FRMD8: variants seen among roughly 807,000 people sequenced by gnomAD.
FRMD8 encodes the protein FERM domain containing 8.
In FRMD8, 37 loss-of-function variants were observed where a neutral mutation model predicts 54.2. That is an observed-to-expected ratio of 0.68 (90% CI 0.53 to 0.90). The LOEUF (loss-of-function observed/expected upper bound fraction) is 0.90. FRMD8 is among the 40% of genes least tolerant of loss of function. The pLI, the probability that FRMD8 is intolerant of heterozygous loss-of-function variation, is 0.00. For missense variants in FRMD8, 585 were observed against 653.7 expected (o/e 0.89, Z 1.15); for synonymous variants, 246 against 286.9 (o/e 0.86, Z 1.44).
chr11:65,378,053 C>G, the FRMD8 span: 2 of 152,098 alleles, frequency 1.3e-5, no homozygotes, highest in Non-Finnish European at 2.9e-5. Flanking sequence ...GAGTAAGGGT[C>G]GTAGGTTAGG....
intron 9 of FRMD8, among the ~76,000 whole-genome samples, chr11:65,401,994 CAGGTCA>C (rs1856094514): frequency 6.6e-6 from 1 of 152,014 alleles, no homozygotes; most frequent in African/African-American, 2.4e-5. Flanking sequence ...GTGTGATATA[CAGGTCA>C]ATGTTCATGT....
At chr11:65,394,768 C>G (rs984583084) in intron 6 of FRMD8, among the ~76,000 whole-genome samples, 3 of 152,166 alleles carry the variant, frequency 2.0e-5, no homozygotes, top group Non-Finnish European at 4.4e-5. Context: ...AGCTTAGTTC[C>G]AGACTTCTGG....
intron 2 of FRMD8, among the ~76,000 whole-genome samples, chr11:65,389,144 A>G (rs1207089008): frequency 2.0e-5 from 3 of 152,178 alleles, no homozygotes; most frequent in African/African-American, 7.2e-5. Flanking sequence ...AAGGGTGTCA[A>G]GGAAGCACTA....
Position 65,404,803 on chromosome 11 carries a change from G to C in FRMD8, c.1072-61G>C. The C allele has an allele frequency of 1.4e-6, 2 of 1,418,102 alleles. No homozygotes were observed. The highest frequency in any genetic ancestry group is 2.0e-6 in the Non-Finnish European group (2 of 1,016,308). 87.8% of individuals were successfully genotyped at this position (1,418,102 alleles called of 1,614,324 possible). A position where few individuals can be genotyped will look rare whatever the true frequency, so the allele number is the denominator to read the frequency against. On this transcript the variant is annotated intron_variant, in intron 9 of 10. Coordinates refer to ENST00000317568, the MANE Select transcript of FRMD8 (RefSeq NM_031904.5). The surrounding 1 kb of genome is among the most constrained non-coding windows in gnomAD (Gnocchi z 4.7). ...AACCAGAGAGCAGAGCTCATTTCAG[G>C]CTCAGCAACAGGCATGGAAGGGGGC... is the stretch of plus-strand genomic sequence containing the variant.
intron 2 of FRMD8, among the ~76,000 whole-genome samples, chr11:65,388,585 C>T (rs968736636): frequency 5.3e-5 from 8 of 152,156 alleles, no homozygotes; most frequent in Admixed American, 2.6e-4. Flanking sequence ...GTTCCTTCAC[C>T]ATGCCTGCAG....
In FRMD8 at chr11:65,394,438, G is replaced by A; in HGVS notation, c.581+13G>A. On this transcript the variant is annotated intron_variant, in intron 6 of 10. Coordinates refer to ENST00000317568, the MANE Select transcript of FRMD8 (RefSeq NM_031904.5). ...CCTGCGACCTGAGGTGAGGGCCTGT[G>A]TGACTTGAGGCGGGGGCGCTGGGTG... 1.3e-6 allele frequency: 2 copies of A among 1,561,040 alleles called. No individual in the cohort carries two copies. Among genetic ancestry groups the A allele is most frequent in the Non-Finnish European group, 1.7e-6 (2 of 1,156,624 alleles).
chr11:65,411,980 C>T lies in FRMD8; in HGVS notation c.*620C>T, dbSNP rs1330298475. 6.6e-6 allele frequency: 1 copy of T among 152,288 alleles called. No individual in the cohort carries two copies. The highest frequency in any genetic ancestry group is 1.5e-5 in the Non-Finnish European group (1 of 68,100). The allele number at this position is 152,288 out of a possible 1,614,324, so 9.4% of individuals were successfully genotyped here. ...GACAGAAACACGGTGAGGGCCCCCA[C>T]CACACCTCCCTGGTTGAATCAGGAA... On this transcript the variant is annotated 3_prime_UTR_variant, in exon 11 of 11. Coordinates refer to ENST00000317568, the MANE Select transcript of FRMD8 (RefSeq NM_031904.5).
chr11:65,394,435 T>A lies in FRMD8; in HGVS notation c.581+10T>A. The A allele has an allele frequency of 6.4e-7, 1 of 1,562,244 alleles. No individual in the cohort carries two copies. Among genetic ancestry groups the A allele is most frequent in the Non-Finnish European group, 8.6e-7 (1 of 1,157,104 alleles). ...CAGCCTGCGACCTGAGGTGAGGGCCTGTGTGACTTGAGGCGGGGGCGCTGG... is the reference window on the plus strand; with the variant it reads ...CAGCCTGCGACCTGAGGTGAGGGCCAGTGTGACTTGAGGCGGGGGCGCTGG... On this transcript the variant is annotated intron_variant, in intron 6 of 10. Transcript: ENST00000317568.
At chr11:65,401,105 G>A (rs1231519294) in intron 9 of FRMD8, among the ~76,000 whole-genome samples, 2 of 152,070 alleles carry the variant, frequency 1.3e-5, no homozygotes, top group Non-Finnish European at 2.9e-5. Flanking sequence ...TGTGGGGTTC[G>A]GGCAGCTGTT....
intron 9 of FRMD8, among the ~76,000 whole-genome samples, chr11:65,401,270 C>T (rs987379535): frequency 6.6e-6 from 1 of 151,412 alleles, no homozygotes; most frequent in Admixed American, 6.6e-5. Context: ...CTTCATTCGT[C>T]GTGTTTTACT....
upstream of FRMD8, among the ~76,000 whole-genome samples, chr11:65,386,017 G>C (rs957616785): frequency 3.3e-5 from 5 of 151,974 alleles, no homozygotes; most frequent in African/African-American, 1.2e-4. Context: ...AGGATGGTCT[G>C]GATCTCCTGA....
At chr11:65,381,646 C>T, upstream of FRMD8, 1 of 417,356 alleles carries the variant, frequency 2.4e-6, no homozygotes, top group African/African-American at 2.1e-5. Flanking sequence ...TAGCTCACTG[C>T]AGCCTTGAAC....
the FRMD8 span, among the ~76,000 whole-genome samples, chr11:65,374,195 C>A: frequency 6.6e-6 from 1 of 151,740 alleles, no homozygotes; most frequent in Non-Finnish European, 1.5e-5. Context: ...ATCTGCAGCA[C>A]ATGATCTGGT....
the FRMD8 span, chr11:65,378,997 G>T: frequency 9.1e-5 from 23 of 252,852 alleles, no homozygotes; most frequent in African/African-American, 5.1e-4. Context: ...GGCCAGAGGG[G>T]CTGGGCTCAC....
chr11:65,410,081 A>G (rs185382528), intron 10 of FRMD8, among the ~76,000 whole-genome samples: 11 of 152,054 alleles, frequency 7.2e-5, no homozygotes, highest in Non-Finnish European at 1.3e-4. Flanking sequence ...AAAAAACCAC[A>G]AAGGCGGGAC....
At chr11:65,379,860 CACTCACGG>C in the FRMD8 span, 7 of 1,614,186 alleles carry the variant, frequency 4.3e-6, no homozygotes, top group Non-Finnish European at 5.9e-6. Flanking sequence ...AGGAGTGGGC[CACTCACGG>C]ACTCATGGCG....
intron 10 of FRMD8, among the ~76,000 whole-genome samples, chr11:65,407,869 G>T (rs1317301805): frequency 7.3e-6 from 1 of 136,140 alleles, no homozygotes; most frequent in African/African-American, 2.7e-5. Context: ...GGGCGACAGA[G>T]CGAGACTCTG....
rs750477529 is a variant in FRMD8, at chr11:65,389,440, T to C, written c.165T>C (p.His55=). The C allele has an allele frequency of 5.6e-6, 9 of 1,610,202 alleles. No homozygotes were observed. Among genetic ancestry groups the C allele is most frequent in the African/African-American group, 1.3e-5 (1 of 74,944 alleles). Residue 55 remains histidine (H), a synonymous_variant, in exon 3 of 11, where the codon CAT becomes CAC. Transcript: ENST00000317568. ...AVENLPSLSA[H]ELHRAVREVL... ...AGAACCTGCCCTCGCTCAGTGCCCA[T>C]GAGCTGCACCGCGCTGTCCGCGAGG...
At chr11:65,394,854 A>G (rs1418027913) in intron 6 of FRMD8, among the ~76,000 whole-genome samples, 1 of 152,180 alleles carries the variant, frequency 6.6e-6, no homozygotes, top group African/African-American at 2.4e-5. Flanking sequence ...CTGCTGTGTA[A>G]ATTAGCAGGG....
Sources: allele counts gnomAD v4.1 joint callset (sites outside exome capture counted in the v4.1 genomes callset), GRCh38; gene constraint gnomAD v4.1.1; non-coding constraint Gnocchi (gnomAD v3.1); transcripts MANE v1.5; gene names NCBI Gene and HGNC (gene_info 2026-07-23, HGNC 2026-07-21).